The following ENTREP2 variants were observed in gnomAD, a reference collection of about 807,000 sequenced individuals.
ENTREP2 encodes endosomal transmembrane epsin interactor 2, also known as protein ENTREP2.
At chr15:29,623,234 G>A in the ENTREP2 span, among the ~76,000 whole-genome samples, 1 of 152,122 alleles carries the variant, frequency 6.6e-6, no homozygotes, top group Non-Finnish European at 1.5e-5. Flanking sequence ...ACATGGTCTT[G>A]CAGAGCCAGC....
the ENTREP2 span, among the ~76,000 whole-genome samples, chr15:29,306,712 T>TA: frequency 8.5e-6 from 1 of 117,640 alleles, no homozygotes; most frequent in Admixed American, 1.1e-4. Context: ...TTTTTGGAGA[T>TA]AGAGTCTTGC....
At chr15:29,392,916 C>T in the ENTREP2 span, among the ~76,000 whole-genome samples, 1 of 152,320 alleles carries the variant, frequency 6.6e-6, no homozygotes, top group South Asian at 2.1e-4. Context: ...CATCAATTGT[C>T]TCTGCACTGT....
the ENTREP2 span, chr15:29,374,762 G>GA: frequency 2.0e-5 from 3 of 151,534 alleles, no homozygotes; most frequent in Non-Finnish European, 2.9e-5. Flanking sequence ...TATTTTTGTT[G>GA]AAAAAATGTT....
chr15:29,271,705 T>G, the ENTREP2 span, among the ~76,000 whole-genome samples: 1 of 152,198 alleles, frequency 6.6e-6, no homozygotes, highest in Non-Finnish European at 1.5e-5. Context: ...CCCTTTCATG[T>G]AAAATCTTTA....
chr15:29,397,156 C>T, the ENTREP2 span, among the ~76,000 whole-genome samples: 15 of 152,100 alleles, frequency 9.9e-5, no homozygotes, highest in African/African-American at 3.1e-4. Flanking sequence ...TTTGGGAGGC[C>T]GAGGTGGGCA....
chr15:29,651,721 G>A, the ENTREP2 span, among the ~76,000 whole-genome samples: 3 of 152,224 alleles, frequency 2.0e-5, no homozygotes, highest in Non-Finnish European at 2.9e-5. Flanking sequence ...ATACACACTC[G>A]GGGCAGCACC....
At chr15:29,383,864 C>G in the ENTREP2 span, among the ~76,000 whole-genome samples, 1 of 152,220 alleles carries the variant, frequency 6.6e-6, no homozygotes, top group Non-Finnish European at 1.5e-5. Flanking sequence ...TTTTCTGCAA[C>G]GCTCACAAGT....
the ENTREP2 span, among the ~76,000 whole-genome samples, chr15:29,586,459 G>A: frequency 5.9e-5 from 9 of 152,288 alleles, no homozygotes; most frequent in African/African-American, 2.2e-4. Context: ...GAATTTTATG[G>A]TATGTGAATT....
chr15:29,269,094 G>T, the ENTREP2 span: 19 of 1,613,992 alleles, frequency 1.2e-5, no homozygotes, highest in Middle Eastern at 6.6e-4. Context: ...AGACCCCTAA[G>T]CGCCGCAGAA....
At chr15:29,623,524 G>A in the ENTREP2 span, among the ~76,000 whole-genome samples, 1 of 152,170 alleles carries the variant, frequency 6.6e-6, no homozygotes, top group South Asian at 2.1e-4. Context: ...GGCAATCTGG[G>A]TTTAGAGGCT....
chr15:29,453,120 C>T, the ENTREP2 span, among the ~76,000 whole-genome samples: 3 of 152,250 alleles, frequency 2.0e-5, no homozygotes, highest in Admixed American at 2.0e-4. Context: ...AGAAATTTCC[C>T]GGCTGTTTAG....
At chr15:29,131,691 A>G in the ENTREP2 span, among the ~76,000 whole-genome samples, 11 of 21,166 alleles carry the variant, frequency 5.2e-4, no homozygotes, top group Admixed American at 5.3e-3. Context: ...ATTCCTCTGC[A>G]GAAGCCTCAA....
the ENTREP2 span, among the ~76,000 whole-genome samples, chr15:29,645,520 G>T: frequency 6.6e-6 from 1 of 152,000 alleles, no homozygotes; most frequent in South Asian, 2.1e-4. Flanking sequence ...TCATGGTGGG[G>T]AACCAGTCGT....
At chr15:29,535,510 T>G in the ENTREP2 span, among the ~76,000 whole-genome samples, 347 of 152,154 alleles carry the variant, frequency 2.3e-3, 2 homozygotes, top group African/African-American at 7.9e-3. Flanking sequence ...GGTGAGACCC[T>G]GTCTCTACAA....
the ENTREP2 span, among the ~76,000 whole-genome samples, chr15:29,147,158 G>C: frequency 2.6e-5 from 4 of 152,190 alleles, no homozygotes; most frequent in Non-Finnish European, 5.9e-5. Context: ...TAAGGGGGTT[G>C]TGCCTGAAAT....
At chr15:29,375,194 G>GTAAA in the ENTREP2 span, 1 of 152,146 alleles carries the variant, frequency 6.6e-6, no homozygotes, top group African/African-American at 2.4e-5. Flanking sequence ...CACTACTGAG[G>GTAAA]TAAAACTCTT....
chr15:29,173,165 T>TGTCCACTCCCAGGACA, the ENTREP2 span, among the ~76,000 whole-genome samples: 4 of 152,162 alleles, frequency 2.6e-5, no homozygotes, highest in Non-Finnish European at 5.9e-5. Flanking sequence ...CCTGGGCACG[T>TGTCCACTCCCAGGACA]GTCCACTCCC....
chr15:29,229,520 C>T, the ENTREP2 span, among the ~76,000 whole-genome samples: 1 of 152,176 alleles, frequency 6.6e-6, no homozygotes, highest in Admixed American at 6.5e-5. Flanking sequence ...CCACTACTAT[C>T]TGGTTTCTGC....
chr15:29,137,679 A>ACAAAAAATT, the ENTREP2 span, among the ~76,000 whole-genome samples: 1 of 152,148 alleles, frequency 6.6e-6, no homozygotes, highest in African/African-American at 2.4e-5. Context: ...TACTAAAAAT[A>ACAAAAAATT]CAAAAAATTA....
Sources: allele counts gnomAD v4.1 joint callset (sites outside exome capture counted in the v4.1 genomes callset), GRCh38; gene constraint gnomAD v4.1.1; transcripts MANE v1.5; gene names NCBI Gene and HGNC (gene_info 2026-07-23, HGNC 2026-07-21).